The following SPARCL1 variants were observed in gnomAD, a reference collection of about 807,000 sequenced individuals.
SPARCL1 encodes SPARC like 1.
In SPARCL1, 52 loss-of-function variants were observed where a neutral mutation model predicts 67.1. That is an observed-to-expected ratio of 0.78 (90% CI 0.62 to 0.98). The LOEUF is 0.98. Among genes scored for constraint, SPARCL1 ranks in the 50% least tolerant of loss-of-function variants. SPARCL1 has a pLI of 0.00. For missense variants in SPARCL1, 717 were observed against 782.4 expected (o/e 0.92, Z 1.00); for synonymous variants, 226 against 267.8 (o/e 0.84, Z 1.52).
At chr4:87,482,330 G>C (rs1420806451) in intron 8 of SPARCL1, 94 bp downstream of exon 8, 1 of 1,350,280 alleles carries the variant, frequency 7.4e-7, no homozygotes, top group East Asian at 2.4e-5. Flanking sequence ...GTGGGCTTTT[G>C]CCAGTATGCA....
At chr4:87,483,675 A>G (rs1723927328) in intron 7 of SPARCL1, among the ~76,000 whole-genome samples, 1 of 152,198 alleles carries the variant, frequency 6.6e-6, no homozygotes, top group Non-Finnish European at 1.5e-5. Context: ...GTCTTCCACA[A>G]TGATTGAACT....
At chr4:87,480,635 A>G (rs1358706327) in intron 8 of SPARCL1, 115 bp from the exon 9 acceptor site, 2 of 911,290 alleles carry the variant, frequency 2.2e-6, no homozygotes, top group Admixed American at 2.7e-5. Flanking sequence ...AAACAAGCTC[A>G]GGACATCATG....
chr4:87,517,028 G>C (rs1311877322), intron 1 of SPARCL1, among the ~76,000 whole-genome samples: 1 of 152,142 alleles, frequency 6.6e-6, no homozygotes, highest in Non-Finnish European at 1.5e-5. Context: ...ACCCTGTCCT[G>C]TGTTATAGTG....
At chr4:87,499,908 CAT>C (rs1296183552) in intron 1 of SPARCL1, among the ~76,000 whole-genome samples, 1 of 151,732 alleles carries the variant, frequency 6.6e-6, no homozygotes, top group African/African-American at 2.4e-5. Flanking sequence ...AAAAAAAAGT[CAT>C]ATGTCAAGGT....
At chr4:87,507,486 C>T (rs1439677804) in intron 1 of SPARCL1, among the ~76,000 whole-genome samples, 1 of 152,094 alleles carries the variant, frequency 6.6e-6, no homozygotes, top group Non-Finnish European at 1.5e-5. Flanking sequence ...TGAGTACTTA[C>T]TAGACACTGC....
intron 10 of SPARCL1, among the ~76,000 whole-genome samples, chr4:87,476,815 G>A (rs58796201): frequency 0.013 from 1,981 of 152,238 alleles, 57 homozygotes; most frequent in African/African-American, 0.045. Context: ...ATATGAGCAC[G>A]TCTATCACAG....
rs748816430 is a variant in SPARCL1, at chr4:87,480,407, C to T, written c.1782G>A (p.Trp594Ter). The change falls in exon 9 of 11, where the codon TGG becomes TGA. Residue 594 changes from tryptophan to a stop codon, truncating the protein, a stop_gained. Coordinates refer to ENST00000282470, the MANE Select transcript of SPARCL1 (RefSeq NM_004684.6). LOFTEE classifies it high-confidence loss of function. ...NYHMYVYPVH[W>*]QFSELDQHPM... ...GGTGTTGGTCAAGTTCACTAAACTG[C>T]CAGTGCACAGGATACACATACATGT... 16 of 1,608,230 alleles carry T rather than the reference C, an allele frequency of 9.9e-6. No individual in the cohort carries two copies. The South Asian group carries it at 1.7e-4, about 17-fold the overall frequency.
At chr4:87,474,761 G>A (rs1268332820) in intron 10 of SPARCL1, among the ~76,000 whole-genome samples, 1 of 37,282 alleles carries the variant, frequency 2.7e-5, no homozygotes. Flanking sequence ...TTTTTTTTTT[G>A]AGACGGAGTC....
chr4:87,475,151 TC>T (rs1004817603), intron 10 of SPARCL1, among the ~76,000 whole-genome samples: 2 of 152,162 alleles, frequency 1.3e-5, no homozygotes, highest in Non-Finnish European at 2.9e-5. Flanking sequence ...CTTTTCTAGG[TC>T]TTTCCTGCAC....
In SPARCL1 at chr4:87,493,589, TGCTCTCCAG is replaced by T. The variant is rs780292273; in HGVS notation, c.1202_1210del (p.Pro401_Glu403del). Reference sequence around the variant, plus strand: ...CATTTAAAATAATTTTACCTCTTGGTGCTCTCCAGGCTCAGTGGTACCTATATTTTCATT... The same window carrying T: ...CATTTAAAATAATTTTACCTCTTGGTGCTCAGTGGTACCTATATTTTCATT... On this transcript the variant is annotated inframe_deletion, in exon 4 of 11. Transcript: ENST00000282470. The T allele has an allele frequency of 6.2e-7, 1 of 1,603,326 alleles. No homozygotes were observed. The highest frequency in any genetic ancestry group is 1.7e-5 in the Admixed American group (1 of 58,304).
chr4:87,479,127 C>A (rs1723701420), intron 10 of SPARCL1, among the ~76,000 whole-genome samples: 1 of 152,152 alleles, frequency 6.6e-6, no homozygotes, highest in Non-Finnish European at 1.5e-5. Context: ...TAAGGAAGGA[C>A]ACAAAGCCTG....
chr4:87,511,967 C>CTCTCTTTT (rs71667858), intron 1 of SPARCL1, among the ~76,000 whole-genome samples: 4 of 121,566 alleles, frequency 3.3e-5, no homozygotes, highest in African/African-American at 1.3e-4. Context: ...CTTTCTTTCT[C>CTCTCTTTT]TTTTTTTTTT....
At chr4:87,522,640 A>AACACAC (rs57929830) in intron 1 of SPARCL1, among the ~76,000 whole-genome samples, 1,586 of 131,858 alleles carry the variant, frequency 0.012, 27 homozygotes, top group African/African-American at 0.032. Context: ...ACCACCACCA[A>AACACAC]ACACACACAC....
chr4:87,490,532 T>C lies in SPARCL1; in HGVS notation c.1411-139A>G, dbSNP rs1724276678. ...TAGGTGAGACTATTAAAATCGTAATTGTTCCATTTGGCATCAAAAAAATCA... is the reference window on the plus strand; with the variant it reads ...TAGGTGAGACTATTAAAATCGTAATCGTTCCATTTGGCATCAAAAAAATCA... On this transcript the variant is annotated intron_variant, in intron 6 of 10. Transcript: ENST00000282470. 2.8e-6 allele frequency: 3 copies of C among 1,071,902 alleles called. No individual in the cohort carries two copies. In the African/African-American group the frequency reaches 4.8e-5, roughly 17 times the overall value. 66.4% of individuals were successfully genotyped at this position (1,071,902 alleles called of 1,614,324 possible). A position where few individuals can be genotyped will look rare whatever the true frequency, so the allele number is the denominator to read the frequency against.
At chr4:87,498,945 C>T (rs1396866581) in intron 2 of SPARCL1, among the ~76,000 whole-genome samples, 2 of 151,860 alleles carry the variant, frequency 1.3e-5, no homozygotes, top group Non-Finnish European at 2.9e-5. Flanking sequence ...GTGATCTCAG[C>T]TCACTGCAAT....
intron 1 of SPARCL1, among the ~76,000 whole-genome samples, chr4:87,525,199 T>C (rs969922166): frequency 2.6e-5 from 4 of 151,992 alleles, no homozygotes; most frequent in African/African-American, 4.8e-5. Context: ...ATGAATTAGC[T>C]GTTATCCACA....
At chr4:87,519,392 T>C (rs1201355235) in intron 1 of SPARCL1, among the ~76,000 whole-genome samples, 1 of 152,184 alleles carries the variant, frequency 6.6e-6, no homozygotes, top group African/African-American at 2.4e-5. Context: ...TCATATTATA[T>C]AGGCAATTAG....
chr4:87,487,070 T>C (rs551182952), intron 7 of SPARCL1, among the ~76,000 whole-genome samples: 1 of 152,084 alleles, frequency 6.6e-6, no homozygotes, highest in South Asian at 2.1e-4. Flanking sequence ...TGTCTTTTAA[T>C]TGGGGCATTT....
chr4:87,500,249 C>T (rs1724789879), intron 1 of SPARCL1, among the ~76,000 whole-genome samples: 1 of 152,176 alleles, frequency 6.6e-6, no homozygotes, highest in African/African-American at 2.4e-5. Context: ...TTGAGACTGT[C>T]CTCTGTAAGG....
Sources: allele counts gnomAD v4.1 joint callset (sites outside exome capture counted in the v4.1 genomes callset), GRCh38; gene constraint gnomAD v4.1.1; transcripts MANE v1.5; gene names NCBI Gene and HGNC (gene_info 2026-07-23, HGNC 2026-07-21).